ATP8B3: variants seen among roughly 807,000 people sequenced by gnomAD.
ATP8B3 encodes phospholipid-transporting ATPase IK.
Under a neutral mutation model 140.9 loss-of-function variants are expected in ATP8B3, and 141 were observed. The ratio of observed to expected loss-of-function variants is 1.00; its 90% CI spans 0.87 to 1.15. ATP8B3 has a LOEUF of 1.15. ATP8B3 is among the 50% of genes most tolerant of loss of function. ATP8B3 has a pLI of 0.00. For synonymous variants in ATP8B3, 765 were observed against 714.6 expected (o/e 1.07, Z -1.13); for missense variants, 1,874 against 1,740.6 (o/e 1.08, Z -1.36).
chr19:1,789,282 T>TC, intron 23 of ATP8B3, 79 bp downstream of exon 23: 1 of 683,576 alleles, frequency 1.5e-6, no homozygotes, highest in East Asian at 4.1e-5. Context: ...CTGCCCCAGG[T>TC]CCCCCCAGTC....
In ATP8B3 at chr19:1,789,692, G is replaced by A. The variant is rs2068429257; in HGVS notation, c.2514C>T (p.Arg838=). The A allele has an allele frequency of 6.3e-7, 1 of 1,589,508 alleles. No homozygotes were observed. Residue 838 remains arginine, a synonymous_variant, in exon 23 of 29, where the codon CGC becomes CGT. Coordinates refer to ENST00000310127, the MANE Select transcript of ATP8B3 (RefSeq NM_138813.4). ...KLLVSLRKEP[R]ALAQNVNMDE... is the part of the protein sequence containing the mutation. ...CCATGTTCACGTTCTGCGCCAGGGC[G>A]CGCGGCTCCTTCCGCAGGGACACCA...
Position 1,784,870 on chromosome 19 carries a change from A to G in ATP8B3, c.3609T>C (p.Pro1203=), listed in dbSNP as rs987822017. ...GGAAGATGACTCGGAGGGCCAGGAC[A>G]GGGAAGGTGTTTATGGACACACTCA... ...VLLSVSINTF[P]VLALRVIFPA... The change falls in exon 28 of 29, where the codon CCT becomes CCC. Residue 1203 remains proline (P), a synonymous_variant. Transcript: ENST00000310127. 17 of 1,612,834 alleles carry G rather than the reference A, an allele frequency of 1.1e-5. No homozygotes were observed. The highest frequency in any genetic ancestry group is 1.7e-4 in the Middle Eastern group (1 of 6,060).
intron 21 of ATP8B3, 21 bp from the exon 22 acceptor site, chr19:1,790,010 C>G: frequency 8.9e-6 from 10 of 1,117,912 alleles, no homozygotes; most frequent in Non-Finnish European, 1.2e-5. Context: ...CAGGGGTCAG[C>G]GGGGCAGGGG....
chr19:1,806,177 G>T lies in ATP8B3; in HGVS notation c.678-8C>A. The T allele has an allele frequency of 1.3e-6, 2 of 1,584,360 alleles. No homozygotes were observed. Among genetic ancestry groups the T allele is most frequent in the Non-Finnish European group, 1.7e-6 (2 of 1,166,046 alleles). ...CATTTCTTCTGCTTGAAGCTGCGGG[G>T]AGAGGGGGTTGTGAAGGAGGCCCCT... On this transcript the variant is annotated splice_region_variant and splice_polypyrimidine_tract_variant and intron_variant, in intron 7 of 28. Coordinates refer to ENST00000310127, the MANE Select transcript of ATP8B3 (RefSeq NM_138813.4). This position sits in a 1 kb window ranked among gnomAD's most constrained non-coding sequence, Gnocchi z 5.6.
intron 23 of ATP8B3, 23 bp downstream of exon 23, chr19:1,789,338 C>T: frequency 6.7e-7 from 1 of 1,485,624 alleles, no homozygotes; most frequent in Admixed American, 2.1e-5. Context: ...CCAGGCACCC[C>T]CAGCCCCGCC....
chr19:1,795,362 C>A (rs957549309), intron 18 of ATP8B3, among the ~76,000 whole-genome samples: 2 of 152,114 alleles, frequency 1.3e-5, no homozygotes, highest in Admixed American at 1.3e-4. Context: ...ACCAGCCTGG[C>A]CCACATGGCG....
intron 24 of ATP8B3, 151 bp downstream of exon 24, chr19:1,788,746 T>C (rs2068384415): frequency 2.8e-6 from 2 of 712,218 alleles, no homozygotes; most frequent in Admixed American, 2.8e-5. Flanking sequence ...AGGCCTCCAC[T>C]AACGCAGCCT....
chr19:1,789,791 G>C (rs1292035485), intron 22 of ATP8B3, 64 bp from the exon 23 acceptor site: 11 of 1,563,846 alleles, frequency 7.0e-6, no homozygotes, highest in Non-Finnish European at 8.6e-6. Flanking sequence ...GACCCTACCC[G>C]GCCCTCGGCC....
Position 1,795,932 on chromosome 19 carries a change from G to A in ATP8B3, c.1998C>T (p.Ile666=). Residue 666 remains isoleucine, a synonymous_variant, in exon 18 of 29, where the codon ATC becomes ATT. Transcript: ENST00000310127. ...CLYTKGADTV[I]FERLHRRGAM... ...CCCCCCTCCTGTGCAAGCGTTCGAA[G>A]ATGACCGTGTCGGCGCCCTTGGTGT... 2.5e-6 allele frequency: 4 copies of A among 1,613,140 alleles called. No homozygotes were observed. The highest frequency in any genetic ancestry group is 3.4e-6 in the Non-Finnish European group (4 of 1,179,840).
intron 2 of ATP8B3, among the ~76,000 whole-genome samples, chr19:1,810,891 T>C (rs2069170060): frequency 6.6e-6 from 1 of 152,108 alleles, no homozygotes; most frequent in Admixed American, 6.5e-5. Context: ...GACCCCAAGA[T>C]GATCCTCAAA....
intron 24 of ATP8B3, 51 bp from the exon 25 acceptor site, chr19:1,787,237 AGGAGCCTGCCAAGCAGGCACCCAG>A (rs1016171469): frequency 4.7e-6 from 7 of 1,481,140 alleles, no homozygotes; most frequent in Non-Finnish European, 6.5e-6. Flanking sequence ...CAGGCACCCA[AGGAGCCTGCCAAGCAGGCACCCAG>A]GGAGGGTTCT....
intron 10 of ATP8B3, among the ~76,000 whole-genome samples, chr19:1,804,564 C>T (rs548639639): frequency 1.9e-4 from 29 of 151,820 alleles, no homozygotes; most frequent in African/African-American, 6.0e-4. Context: ...GCCGAGATTG[C>T]GCCACTGCAC....
rs2068814682 is a variant in ATP8B3 at position 1,800,531 on chromosome 19, A to G, written c.1153-82T>C. 3.1e-6 allele frequency: 4 copies of G among 1,302,662 alleles called. No individual in the cohort carries two copies. The Admixed American group carries it at 8.0e-5, about 26-fold the overall frequency. 80.7% of individuals were successfully genotyped at this position (1,302,662 alleles called of 1,614,324 possible). A position where few individuals can be genotyped will look rare whatever the true frequency, so the allele number is the denominator to read the frequency against. On this transcript the variant is annotated intron_variant, in intron 12 of 28. Coordinates refer to ENST00000310127, the MANE Select transcript of ATP8B3 (RefSeq NM_138813.4). The surrounding 1 kb of genome is among the most constrained non-coding windows in gnomAD (Gnocchi z 4.4). ...TCAGGATGGGGTAAACACAAAGATA[A>G]GGCTGGGGCTGGGCACAGTGGCTCA...
intron 14 of ATP8B3, 116 bp downstream of exon 14, chr19:1,799,831 G>A: frequency 9.1e-7 from 1 of 1,101,758 alleles, no homozygotes; most frequent in Non-Finnish European, 1.3e-6. Flanking sequence ...CGGTTCCCTG[G>A]TTCAGATTCG....
chr19:1,811,560 GCC>G lies in ATP8B3; in HGVS notation c.175_176del (p.Gly59GlnfsTer5). The stretch of plus-strand genomic sequence containing the variant: ...TGTGCCTCCTCTCAGGTGCCCCTCT[GCC>G]TGGGGAGTCTCCCATCCCAGCTCTG... ...VIRAGMGDSPGRGAPERRHKA... is the reference protein window; with the variant it reads ...VIRAGMGDSPXRGAPERRHKA... On this transcript the variant is annotated frameshift_variant, in exon 2 of 29. Transcript: ENST00000310127. LOFTEE classifies it high-confidence loss of function. The G allele has an allele frequency of 6.2e-7, 1 of 1,612,288 alleles. No homozygotes were observed. The highest frequency in any genetic ancestry group is 8.5e-7 in the Non-Finnish European group (1 of 1,179,798).
rs1000566212 is a variant in ATP8B3, at chr19:1,811,815, C to T, written c.-79G>A. 2 of 1,427,162 alleles carry T rather than the reference C, an allele frequency of 1.4e-6. No homozygotes were observed. The highest frequency in any genetic ancestry group is 2.4e-5 in the Admixed American group (1 of 41,576). The allele number at this position is 1,427,162 out of a possible 1,614,324, so 88.4% of individuals were successfully genotyped here. On this transcript the variant is annotated 5_prime_UTR_variant, in exon 2 of 29. Transcript: ENST00000310127. ...ACGGGGGAGAGGTGGGGGAGACCCCCGTGGGGGCAGACTGGGGATTGGAGA... is the reference window on the plus strand; with the variant it reads ...ACGGGGGAGAGGTGGGGGAGACCCCTGTGGGGGCAGACTGGGGATTGGAGA...
chr19:1,783,894 CA>C (rs1223617556), intron 28 of ATP8B3, among the ~76,000 whole-genome samples: 2 of 152,060 alleles, frequency 1.3e-5, no homozygotes, highest in African/African-American at 2.4e-5. Flanking sequence ...AGTGCAGTGG[CA>C]AAAATCATAG....
Position 1,806,085 on chromosome 19 carries a change from AC to A in ATP8B3, c.750+11del. The A allele has an allele frequency of 1.3e-6, 2 of 1,599,816 alleles. No homozygotes were observed. Among genetic ancestry groups the A allele is most frequent in the Non-Finnish European group, 8.5e-7 (1 of 1,174,082 alleles). On this transcript the variant is annotated intron_variant, in intron 8 of 28. Transcript: ENST00000310127. The surrounding 1 kb of genome is among the most constrained non-coding windows in gnomAD (Gnocchi z 5.6). ...GCGTGGTTCTGGGACCTCGGGGTCA[AC>A]CCCAGCTCACTGGGACGATGTTGTC...
chr19:1,789,555 T>A lies in ATP8B3; in HGVS notation c.2651A>T (p.Asp884Val). The change falls in exon 23 of 29, where the codon GAC becomes GTC. Residue 884 changes from aspartate (D) to valine (V), a missense_variant. This residue lies in a region of ATP8B3 where 840 missense variants were observed against 760.9 expected (regional missense o/e 1.10). Transcript: ENST00000310127. ...GLPLAAPPAQ[D>V]SRARRSSEVL... ...CTCGGAGCTACGGCGGGCTCTGGAG[T>A]CCTGGGCTGGCGGTGCAGCCAGCGG... 1.3e-6 allele frequency: 2 copies of A among 1,595,418 alleles called. No individual in the cohort carries two copies. The highest frequency in any genetic ancestry group is 1.7e-6 in the Non-Finnish European group (2 of 1,177,354).
Sources: allele counts gnomAD v4.1 joint callset (sites outside exome capture counted in the v4.1 genomes callset), GRCh38; gene constraint gnomAD v4.1.1; regional missense constraint gnomAD v4.1.1; non-coding constraint Gnocchi (gnomAD v3.1); transcripts MANE v1.5; gene names NCBI Gene and HGNC (gene_info 2026-07-23, HGNC 2026-07-21).